The following CRPPA variants were observed in gnomAD, a reference collection of about 807,000 sequenced individuals.
CRPPA encodes the protein CDP-L-ribitol pyrophosphorylase A.
A neutral mutation model predicts 52.0 loss-of-function variants in CRPPA; 43 were observed. The ratio of observed to expected loss-of-function variants is 0.83; its 90% CI spans 0.65 to 1.07. The LOEUF (loss-of-function observed/expected upper bound fraction) is 1.07. Among genes scored for constraint, CRPPA ranks in the 50% least tolerant of loss-of-function variants. The pLI is 0.00. For synonymous variants in CRPPA, 250 were observed against 203.5 expected, an observed-to-expected ratio of 1.23 and a Z score of -1.94; for missense variants, 629 against 551.7, an observed-to-expected ratio of 1.14 and a Z score of -1.40.
intron 9 of CRPPA, among the ~76,000 whole-genome samples, chr7:16,131,459 G>A (rs937039787): frequency 6.6e-6 from 1 of 152,170 alleles, no homozygotes; most frequent in African/African-American, 2.4e-5. Context: ...TAAAGTGGCT[G>A]CCCCAGGTAC....
intron 3 of CRPPA, among the ~76,000 whole-genome samples, chr7:16,374,946 T>C (rs1404560244): frequency 6.6e-6 from 1 of 152,184 alleles, no homozygotes; most frequent in East Asian, 1.9e-4. Flanking sequence ...GATTTTCATA[T>C]CCACCACTCC....
intron 1 of CRPPA, among the ~76,000 whole-genome samples, chr7:16,407,600 CT>C (rs148163646): frequency 0.019 from 2,902 of 152,162 alleles, 84 homozygotes; most frequent in African/African-American, 0.067. Context: ...TAAAGATTAC[CT>C]TTACTGAAAA....
At chr7:16,102,384 G>A (rs1347421280) in intron 9 of CRPPA, among the ~76,000 whole-genome samples, 1 of 151,912 alleles carries the variant, frequency 6.6e-6, no homozygotes, top group South Asian at 2.1e-4. Context: ...TACCATTCAG[G>A]ACACAGGCAT....
intron 1 of CRPPA, among the ~76,000 whole-genome samples, chr7:16,407,614 G>T (rs1050730405): frequency 6.6e-6 from 1 of 152,162 alleles, no homozygotes; most frequent in African/African-American, 2.4e-5. Flanking sequence ...ACTGAAAAAT[G>T]AAGTTAACAT....
At chr7:16,283,305 T>C (rs1484196908) in intron 5 of CRPPA, among the ~76,000 whole-genome samples, 1 of 150,726 alleles carries the variant, frequency 6.6e-6, no homozygotes, top group South Asian at 2.1e-4. Context: ...TTCATACCTA[T>C]ATTGTATCAT....
At chr7:16,193,097 C>A (rs762112506) in intron 9 of CRPPA, among the ~76,000 whole-genome samples, 1 of 152,160 alleles carries the variant, frequency 6.6e-6, no homozygotes, top group Non-Finnish European at 1.5e-5. Flanking sequence ...TGCCTGTTGG[C>A]ATTTTAATTA....
chr7:16,368,340 G>T (rs1921840), intron 3 of CRPPA, among the ~76,000 whole-genome samples: 39,159 of 151,942 alleles, frequency 0.26, 5,627 homozygotes, highest in African/African-American at 0.39. Context: ...TAATGTGTCA[G>T]TAAAAATTCT....
chr7:16,285,514 T>G (rs1262656009), intron 5 of CRPPA, among the ~76,000 whole-genome samples: 1 of 152,186 alleles, frequency 6.6e-6, no homozygotes, highest in Non-Finnish European at 1.5e-5. Flanking sequence ...TACTCTGATT[T>G]ATAATGAATA....
intron 9 of CRPPA, among the ~76,000 whole-genome samples, chr7:16,139,459 G>C (rs979015271): frequency 1.3e-5 from 2 of 151,888 alleles, no homozygotes; most frequent in Admixed American, 1.3e-4. Flanking sequence ...ATATTACGGG[G>C]GGTAAAGGTA....
At chr7:16,300,125 T>C (rs1041049893) in intron 5 of CRPPA, among the ~76,000 whole-genome samples, 3 of 152,232 alleles carry the variant, frequency 2.0e-5, no homozygotes, top group Admixed American at 6.5e-5. Context: ...TCTGTTTACA[T>C]ACACACAAAC....
chr7:16,137,874 G>A (rs1782791202), intron 9 of CRPPA, among the ~76,000 whole-genome samples: 2 of 152,022 alleles, frequency 1.3e-5, no homozygotes, highest in Admixed American at 6.6e-5. Flanking sequence ...CACAAACCAT[G>A]ATGAATTGTA....
rs557404340 is a variant in CRPPA at position 16,087,687 on chromosome 7, A to G, written c.*4008T>C. The G allele has an allele frequency of 5.9e-5, 9 of 152,300 alleles. No homozygotes were observed. The highest frequency in any genetic ancestry group is 2.2e-4 in the African/African-American group (9 of 41,584). 9.4% of individuals were successfully genotyped at this position (152,300 alleles called of 1,614,324 possible). On this transcript the variant is annotated 3_prime_UTR_variant, in exon 10 of 10. Coordinates refer to ENST00000407010, the MANE Select transcript of CRPPA (RefSeq NM_001101426.4). ...ATATATAAATGCAACTATAATGCCA[A>G]CCACCACCTACACAGCTACTTCTAG...
intron 9 of CRPPA, among the ~76,000 whole-genome samples, chr7:16,095,831 C>T (rs557705844): frequency 6.6e-6 from 1 of 152,284 alleles, no homozygotes; most frequent in Admixed American, 6.5e-5. Flanking sequence ...TCCTAAAAAT[C>T]TGCTAAAAAT....
At chr7:16,177,351 T>C (rs763166301) in intron 9 of CRPPA, among the ~76,000 whole-genome samples, 8 of 152,116 alleles carry the variant, frequency 5.3e-5, no homozygotes, top group African/African-American at 1.7e-4. Flanking sequence ...AGGAATGAAG[T>C]ATATAATATG....
intron 5 of CRPPA, among the ~76,000 whole-genome samples, chr7:16,296,162 C>T (rs1784671069): frequency 6.6e-6 from 1 of 152,114 alleles, no homozygotes; most frequent in Admixed American, 6.6e-5. Flanking sequence ...TATAAACACA[C>T]TGATGCTAAA....
intron 9 of CRPPA, among the ~76,000 whole-genome samples, chr7:16,096,278 G>GAA (rs144530175): frequency 6.7e-6 from 1 of 148,380 alleles, no homozygotes; most frequent in African/African-American, 2.5e-5. Context: ...CAAAGATGCA[G>GAA]AAAAAAAAAC....
chr7:16,210,180 A>G (rs780172446), intron 9 of CRPPA, among the ~76,000 whole-genome samples: 2 of 152,248 alleles, frequency 1.3e-5, no homozygotes, highest in African/African-American at 2.4e-5. Flanking sequence ...ACATGTATAT[A>G]ATTTGTATGC....
At chr7:16,199,176 C>T (rs1220657956) in intron 9 of CRPPA, among the ~76,000 whole-genome samples, 1 of 152,134 alleles carries the variant, frequency 6.6e-6, no homozygotes, top group Non-Finnish European at 1.5e-5. Context: ...TGGTTCTCAA[C>T]TCTGGTTGTA....
rs138490805 is a variant in CRPPA, at chr7:16,289,354, T to A, written c.836-11128A>T. On this transcript the variant is annotated intron_variant, in intron 5 of 9. Transcript: ENST00000407010. ...AAGGAAATTCTTCCTAACTCATTAT[T>A]TGAGGCAAGCATCACCCTGATACCA... is the stretch of plus-strand genomic sequence containing the variant. Among the ~76,000 whole-genome samples, 14 of 152,194 alleles carry A rather than the reference T, an allele frequency of 9.2e-5. No homozygotes were observed. In the East Asian group the frequency reaches 2.7e-3, roughly 29 times the overall value.
Sources: gnomAD v4.1 joint callset for allele counts (sites outside exome capture counted in the v4.1 genomes callset) on GRCh38, gnomAD v4.1.1 for gene constraint, MANE v1.5 for transcripts, NCBI Gene and HGNC (gene_info 2026-07-23, HGNC 2026-07-21) for gene names.